The following FLT1 variants were observed in gnomAD, a reference collection of about 807,000 sequenced individuals.
FLT1 encodes the protein fms related receptor tyrosine kinase 1.
Under a neutral mutation model 156.3 loss-of-function variants are expected in FLT1, and 49 were observed. The ratio of observed to expected loss-of-function variants is 0.31; its 90% CI spans 0.25 to 0.40. FLT1 has a LOEUF of 0.40. FLT1 is among the 10% of genes least tolerant of loss of function. FLT1 has a pLI of 1.00. For synonymous variants in FLT1, 594 were observed against 583.8 expected (o/e 1.02, Z -0.25); for missense variants, 1,322 against 1,637.2 (o/e 0.81, Z 3.32).
chr13:28,432,739 G>C (rs1286728150), intron 6 of FLT1, among the ~76,000 whole-genome samples: 1 of 152,208 alleles, frequency 6.6e-6, no homozygotes, highest in East Asian at 1.9e-4. Flanking sequence ...AAGATTATTA[G>C]CATTTAATAG....
Position 28,478,049 on chromosome 13 carries a change from T to C in FLT1, c.65-10432A>G, listed in dbSNP as rs552388009. Among the ~76,000 whole-genome samples, 5 of 152,336 alleles carry C rather than the reference T, an allele frequency of 3.3e-5. No homozygotes were observed. In the South Asian group the frequency reaches 6.2e-4, roughly 19 times the overall value. ...AATTTGTGCATCCTCTTTAGAATCA[T>C]AGTGTCTGATCAGTGACAAAATGCT... On this transcript the variant is annotated intron_variant, in intron 1 of 29. Transcript: ENST00000282397.
rs181154092 is a variant in FLT1 at position 28,358,250 on chromosome 13, A to T, written c.2117-565T>A. Among the ~76,000 whole-genome samples the T allele has an allele frequency of 4.8e-3, 731 of 152,332 alleles. 5 individuals are homozygous for T. Among genetic ancestry groups the T allele is most frequent in the Non-Finnish European group, 8.8e-3 (597 of 68,024 alleles). The stretch of plus-strand genomic sequence containing the variant: ...TGTGACATATGGGTCAAAGGAACTA[A>T]TATTTCATTTGTCATAAGGCCTGGT... On this transcript the variant is annotated intron_variant, in intron 14 of 29. Transcript: ENST00000282397.
intron 9 of FLT1, 97 bp from the exon 10 acceptor site, chr13:28,427,415 T>C (rs867231705): frequency 2.6e-6 from 3 of 1,137,472 alleles, no homozygotes; most frequent in Non-Finnish European, 4.0e-6. Flanking sequence ...CTGGCTTTGA[T>C]GTCAGGGAAA....
At position 28,467,635 on chromosome 13, in the gene FLT1, A is replaced by T. The variant is rs770855080; in HGVS notation, c.65-18T>A. On this transcript the variant is annotated intron_variant, in intron 1 of 29. Coordinates refer to ENST00000282397, the MANE Select transcript of FLT1 (RefSeq NM_002019.4). ...ACTAGATCCTGAAAAACAAATTTTT[A>T]AAATGTATTATTTGTAAATTGTCTT... The T allele has an allele frequency of 2.3e-5, 31 of 1,365,590 alleles. No homozygotes were observed. Among genetic ancestry groups the T allele is most frequent in the Non-Finnish European group, 3.2e-5 (31 of 970,310 alleles). 84.6% of individuals were successfully genotyped at this position (1,365,590 alleles called of 1,614,324 possible).
chr13:28,405,659 T>C, intron 11 of FLT1, 121 bp downstream of exon 11: 1 of 712,420 alleles, frequency 1.4e-6, no homozygotes, highest in East Asian at 2.7e-5. Context: ...ATATTGTCTT[T>C]CTTCTCTCTG....
At chr13:28,388,062 C>T (rs1874474274) in intron 13 of FLT1, 3 of 1,058,420 alleles carry the variant, frequency 2.8e-6, no homozygotes, top group African/African-American at 3.3e-5. Context: ...TATTAAGGCC[C>T]CCATGTTCTA....
intron 1 of FLT1, among the ~76,000 whole-genome samples, chr13:28,481,429 C>A (rs954245551): frequency 6.7e-6 from 1 of 149,980 alleles, no homozygotes; most frequent in South Asian, 2.1e-4. Context: ...TTTCTCCTAA[C>A]CTCCTCCGCT....
chr13:28,482,340 AG>A (rs1880905931), intron 1 of FLT1, among the ~76,000 whole-genome samples: 1 of 152,166 alleles, frequency 6.6e-6, no homozygotes. Flanking sequence ...CAGGAGGCTG[AG>A]GCAGGAGAAT....
At chr13:28,405,633 T>C (rs566130892) in intron 11 of FLT1, 147 bp downstream of exon 11, 8 of 675,948 alleles carry the variant, frequency 1.2e-5, no homozygotes, top group African/African-American at 8.8e-5. Context: ...TGTATCTCCA[T>C]GAAGACATAG....
intron 3 of FLT1, among the ~76,000 whole-genome samples, chr13:28,460,797 TACAC>T (rs369507550): frequency 0.058 from 8,490 of 145,916 alleles, 661 homozygotes; most frequent in African/African-American, 0.18. Flanking sequence ...TCAGACCCAT[TACAC>T]ACACACACAC....
intron 14 of FLT1, among the ~76,000 whole-genome samples, chr13:28,378,796 A>G (rs1236014709): frequency 1.3e-5 from 2 of 152,236 alleles, no homozygotes; most frequent in African/African-American, 4.8e-5. Context: ...ACCTCAAAGG[A>G]TAGTTGTGAA....
In FLT1 at chr13:28,494,833, T is replaced by G. The variant is rs1182975792; in HGVS notation, c.11A>C (p.Tyr4Ser). Residue 4 changes from tyrosine to serine, a missense_variant, in exon 1 of 30, where the codon TAC becomes TCC. Physicochemically the swap from Tyr to Ser is moderately radical, Grantham distance 144. Transcript: ENST00000282397. Reference protein sequence around the residue: MVSYWDTGVLLCAL... With the variant: MVSSWDTGVLLCAL... The stretch of plus-strand genomic sequence containing the variant: ...GCACAGCAGGACCCCGGTGTCCCAG[T>G]AGCTGACCATGGTGAGCGCGACGCG... The G allele has an allele frequency of 1.3e-6, 2 of 1,568,412 alleles. No individual in the cohort carries two copies. The highest frequency in any genetic ancestry group is 1.2e-5 in the South Asian group (1 of 86,152).
intron 12 of FLT1, among the ~76,000 whole-genome samples, chr13:28,394,693 C>G (rs59268060): frequency 0.025 from 3,862 of 152,204 alleles, 155 homozygotes; most frequent in African/African-American, 0.086. Flanking sequence ...GGATCCCTGT[C>G]GCAGCTCTGT....
At chr13:28,342,366 A>G (rs1202045369) in intron 16 of FLT1, among the ~76,000 whole-genome samples, 1 of 150,104 alleles carries the variant, frequency 6.7e-6, no homozygotes, top group African/African-American at 2.5e-5. Context: ...CCTCCTTTGA[A>G]CTCCTATAGC....
chr13:28,414,302 T>TA (rs987046051), intron 10 of FLT1, among the ~76,000 whole-genome samples: 1 of 152,238 alleles, frequency 6.6e-6, no homozygotes, highest in Non-Finnish European at 1.5e-5. Context: ...ATACTAGTCT[T>TA]ACACATTTTT....
chr13:28,389,542 C>T, intron 13 of FLT1: 1 of 1,431,236 alleles, frequency 7.0e-7, no homozygotes, highest in Non-Finnish European at 9.1e-7. Flanking sequence ...CCCCCTCGGC[C>T]TGAATGGGGG....
chr13:28,494,029 C>A (rs2137681720), intron 1 of FLT1, among the ~76,000 whole-genome samples: 1 of 152,378 alleles, frequency 6.6e-6, no homozygotes, highest in East Asian at 1.9e-4. Flanking sequence ...ACGGACTGGA[C>A]CGCGCACCAC....
chr13:28,313,768 A>G (rs1182164109), intron 25 of FLT1, among the ~76,000 whole-genome samples: 3 of 152,070 alleles, frequency 2.0e-5, no homozygotes, highest in African/African-American at 7.3e-5. Flanking sequence ...CCTCCCTCTG[A>G]CACTTCTTAG....
chr13:28,385,109 T>C (rs1874284149), intron 13 of FLT1, 78 bp from the exon 14 acceptor site: 1 of 1,463,016 alleles, frequency 6.8e-7, no homozygotes, highest in Non-Finnish European at 9.6e-7. Flanking sequence ...ACATTTAAAA[T>C]ATACAGAGAA....
Sources: allele counts gnomAD v4.1 joint callset (sites outside exome capture counted in the v4.1 genomes callset), GRCh38; gene constraint gnomAD v4.1.1; transcripts MANE v1.5; gene names NCBI Gene and HGNC (gene_info 2026-07-23, HGNC 2026-07-21).